Variants in DNAH7 observed in about 807,000 individuals in gnomAD.
DNAH7 encodes the protein axonemal beta dynein heavy chain 7.
In DNAH7, 397 loss-of-function variants were observed where a neutral mutation model predicts 444.6. That is an observed-to-expected ratio of 0.89 (90% CI 0.82 to 0.97). The LOEUF (loss-of-function observed/expected upper bound fraction) is 0.97, where lower values mean the gene tolerates loss of function less well. DNAH7 is among the 50% of genes least tolerant of loss of function. The probability of loss-of-function intolerance (pLI) is 0.00; values close to 1 mark genes in which losing one functional copy is unlikely to be tolerated. For missense variants in DNAH7, 4,902 were observed against 4,800.8 expected, an observed-to-expected ratio of 1.02 and a Z score of -0.62; for synonymous variants, 1,636 against 1,624.4, an observed-to-expected ratio of 1.01 and a Z score of -0.17.
chr2:195,965,038 T>C (rs1179808769), intron 17 of DNAH7, among the ~76,000 whole-genome samples: 2 of 152,198 alleles, frequency 1.3e-5, no homozygotes, highest in East Asian at 1.9e-4. Context: ...CCTTGATGTG[T>C]TCCAGATTTT....
intron 36 of DNAH7, among the ~76,000 whole-genome samples, chr2:195,879,923 C>T (rs1406627197): frequency 2.6e-5 from 4 of 152,126 alleles, no homozygotes; most frequent in Non-Finnish European, 5.9e-5. Flanking sequence ...GATATTAAAA[C>T]TCCCTCAACA....
intron 9 of DNAH7, among the ~76,000 whole-genome samples, chr2:196,018,306 T>C (rs1695151255): frequency 6.6e-6 from 1 of 152,104 alleles, no homozygotes; most frequent in African/African-American, 2.4e-5. Flanking sequence ...AAAGAAGTTC[T>C]CATTTACTGT....
At chr2:195,978,383 A>T (rs953787904) in intron 15 of DNAH7, among the ~76,000 whole-genome samples, 1 of 152,126 alleles carries the variant, frequency 6.6e-6, no homozygotes, top group African/African-American at 2.4e-5. Context: ...GTAACCTCAA[A>T]TCAATAAACA....
intron 17 of DNAH7, among the ~76,000 whole-genome samples, chr2:195,963,553 C>A (rs1323294364): frequency 6.6e-6 from 1 of 152,150 alleles, no homozygotes; most frequent in Non-Finnish European, 1.5e-5. Flanking sequence ...TTCTCCCATG[C>A]TCTGGGTTGT....
chr2:195,944,951 C>T lies in DNAH7; in HGVS notation c.3079-8159G>A, dbSNP rs112607782. ...AGCCTCATGGTCCACCAAACACTTC[C>T]CTGTACAACAGATTGTTCATTCTGG... On this transcript the variant is annotated intron_variant, in intron 19 of 64. Transcript: ENST00000312428. 2.3e-3 allele frequency among the ~76,000 whole-genome samples: 346 copies of T among 151,904 alleles called. 2 individuals carry two copies. The highest frequency in any genetic ancestry group is 7.8e-3 in the African/African-American group (323 of 41,434).
At position 195,737,991 on chromosome 2, in the gene DNAH7, A is replaced by C; in HGVS notation, c.12005T>G (p.Leu4002Arg). The C allele has an allele frequency of 6.2e-7, 1 of 1,614,110 alleles. No homozygotes were observed. The highest frequency in any genetic ancestry group is 8.5e-7 in the Non-Finnish European group (1 of 1,179,944). ...HSTNFVIAMT[L>R]PSDQPKEHWI... ...GTGTTCCTTGGGTTGGTCAGAGGGAAGAGTCATGGCAATCACAAAATTCGT... is the reference window on the plus strand; with the variant it reads ...GTGTTCCTTGGGTTGGTCAGAGGGACGAGTCATGGCAATCACAAAATTCGT... The change falls in exon 65 of 65, where the codon CTT becomes CGT. Residue 4002 changes from leucine (L) to arginine (R), a missense_variant. Transcript: ENST00000312428.
chr2:195,764,850 C>T (rs1030737947), intron 61 of DNAH7, among the ~76,000 whole-genome samples: 2 of 151,300 alleles, frequency 1.3e-5, no homozygotes, highest in African/African-American at 4.9e-5. Context: ...CATCAAAATA[C>T]CTATGACATT....
chr2:195,903,171 G>A (rs560435176), intron 27 of DNAH7: 1 of 151,950 alleles, frequency 6.6e-6, no homozygotes, highest in South Asian at 2.1e-4. Flanking sequence ...GTGGAGGAAG[G>A]GGGGTGGTAC....
intron 63 of DNAH7, among the ~76,000 whole-genome samples, chr2:195,742,473 A>G (rs1021424822): frequency 1.3e-5 from 2 of 152,220 alleles, no homozygotes; most frequent in Admixed American, 1.3e-4. Flanking sequence ...CAACACCTAG[A>G]AAAGTGGTGA....
At chr2:195,785,172 A>G (rs1216466389) in intron 58 of DNAH7, among the ~76,000 whole-genome samples, 3 of 152,128 alleles carry the variant, frequency 2.0e-5, no homozygotes, top group African/African-American at 7.2e-5. Context: ...TGGCCTCCCA[A>G]AGTGCTGGGA....
At chr2:195,934,940 A>C in intron 20 of DNAH7, 151 bp from the exon 21 acceptor site, 2 of 770,574 alleles carry the variant, frequency 2.6e-6, no homozygotes, top group Non-Finnish European at 4.1e-6. Flanking sequence ...ACAAACAAAA[A>C]ACACAAGCTC....
intron 51 of DNAH7, among the ~76,000 whole-genome samples, chr2:195,810,702 AG>A (rs1404711528): frequency 7.9e-5 from 12 of 152,044 alleles, no homozygotes; most frequent in African/African-American, 2.9e-4. Context: ...TCCCATAAAG[AG>A]AATTACAACA....
At chr2:195,805,515 C>T (rs1181926095) in intron 54 of DNAH7, among the ~76,000 whole-genome samples, 2 of 152,212 alleles carry the variant, frequency 1.3e-5, no homozygotes, top group Non-Finnish European at 1.5e-5. Context: ...TAGGATGTCT[C>T]ACCAGGGTCA....
intron 16 of DNAH7, among the ~76,000 whole-genome samples, chr2:195,970,634 G>A (rs1691779585): frequency 6.6e-6 from 1 of 152,108 alleles, no homozygotes; most frequent in African/African-American, 2.4e-5. Flanking sequence ...AATAAATCCA[G>A]ATTTAAACAC....
chr2:195,760,447 G>A (rs1400267367), intron 61 of DNAH7, among the ~76,000 whole-genome samples: 10 of 152,128 alleles, frequency 6.6e-5, no homozygotes, highest in Admixed American at 6.6e-4. Flanking sequence ...GCCAGGGAGT[G>A]GGTACAACAG....
Position 195,809,173 on chromosome 2 carries a change from T to C in DNAH7, c.9889-297A>G, listed in dbSNP as rs368460421. 8.7e-4 allele frequency among the ~76,000 whole-genome samples: 132 copies of C among 152,348 alleles called. 2 individuals carry two copies. In the South Asian group the frequency reaches 0.023, roughly 26 times the overall value. On this transcript the variant is annotated intron_variant, in intron 52 of 64. Coordinates refer to ENST00000312428, the MANE Select transcript of DNAH7 (RefSeq NM_018897.3). ...CTATTCGAATACGTGTTTTCCAAAA[T>C]GACTGCCTAGAGCCCTATTGGCTCT...
chr2:196,012,155 T>C (rs1015463841), intron 10 of DNAH7, among the ~76,000 whole-genome samples: 2 of 152,166 alleles, frequency 1.3e-5, no homozygotes, highest in African/African-American at 4.8e-5. Context: ...CTCTGCTACC[T>C]TAAATTTGAC....
At chr2:195,794,619 G>T in intron 56 of DNAH7, 81 bp from the exon 57 acceptor site, 1 of 1,255,328 alleles carries the variant, frequency 8.0e-7, no homozygotes, top group East Asian at 2.4e-5. Flanking sequence ...AGGATGAGTT[G>T]GAAGGGGGAG....
chr2:195,946,082 C>T (rs1218746955), intron 19 of DNAH7, among the ~76,000 whole-genome samples: 2 of 151,926 alleles, frequency 1.3e-5, no homozygotes, highest in African/African-American at 2.4e-5. Flanking sequence ...GCTACTAGAA[C>T]AGGAAAAAAA....
Sources: gnomAD v4.1 joint callset for allele counts (sites outside exome capture counted in the v4.1 genomes callset) on GRCh38, gnomAD v4.1.1 for gene constraint, MANE v1.5 for transcripts, NCBI Gene and HGNC (gene_info 2026-07-23, HGNC 2026-07-21) for gene names.